Variants in DNAAF4 observed in about 807,000 individuals in gnomAD.
The protein encoded by DNAAF4 is dynein assembly factor 4, axonemal.
DNAAF4 carries 43 observed loss-of-function variants against 51.8 expected under a neutral mutation model. The ratio of observed to expected loss-of-function variants is 0.83; its 90% CI spans 0.65 to 1.07. The LOEUF (loss-of-function observed/expected upper bound fraction) is 1.07. DNAAF4 is among the 50% of genes least tolerant of loss of function. The pLI, the probability that DNAAF4 is intolerant of heterozygous loss-of-function variation, is 0.00. For synonymous variants in DNAAF4, 194 were observed against 165.6 expected (o/e 1.17, Z -1.32); for missense variants, 581 against 493.0 (o/e 1.18, Z -1.69).
chr15:55,425,674 A>G (rs753557005), downstream of DNAAF4, among the ~76,000 whole-genome samples: 3 of 152,176 alleles, frequency 2.0e-5, no homozygotes, highest in East Asian at 3.8e-4. Flanking sequence ...CTATTAGACA[A>G]TATCTCTGTA....
chr15:55,497,879 C>T lies in DNAAF4; in HGVS notation c.124-20G>A, dbSNP rs2058661789. 6.3e-7 allele frequency: 1 copy of T among 1,578,108 alleles called. No individual in the cohort carries two copies. Among genetic ancestry groups the T allele is most frequent in the Admixed American group, 1.9e-5 (1 of 52,246 alleles). On this transcript the variant is annotated intron_variant, in intron 2 of 9. Transcript: ENST00000321149. ...GTTGACCTATGCAGAAGGGTGAAAA[C>T]AGAAACTAAGTTAGTTACACAAATT...
At chr15:55,502,967 A>G (rs2058707388) in intron 1 of DNAAF4, among the ~76,000 whole-genome samples, 1 of 152,238 alleles carries the variant, frequency 6.6e-6, no homozygotes, top group Non-Finnish European at 1.5e-5. Flanking sequence ...ACCATTCAAA[A>G]AAATCAGTGA....
At chr15:55,497,096 G>A (rs188350259) in intron 3 of DNAAF4, among the ~76,000 whole-genome samples, 27 of 152,142 alleles carry the variant, frequency 1.8e-4, no homozygotes, top group African/African-American at 5.8e-4. Flanking sequence ...CCTGTTCTAA[G>A]CGGCCTACAT....
Position 55,462,745 on chromosome 15 carries a change from C to T in DNAAF4, c.637+4185G>A, listed in dbSNP as rs73408880. On this transcript the variant is annotated intron_variant, in intron 5 of 9. Transcript: ENST00000321149. ...ACAGCATATCAAAAAGGTAATACAC[C>T]ATAATTAAGTGGGTTTCATACCAGG... Among the ~76,000 whole-genome samples the T allele has an allele frequency of 3.2e-3, 489 of 152,186 alleles. 1 individual carries two copies. The highest frequency in any genetic ancestry group is 0.011 in the African/African-American group (461 of 41,556).
intron 5 of DNAAF4, among the ~76,000 whole-genome samples, chr15:55,457,058 C>G (rs1028478265): frequency 6.6e-6 from 1 of 152,326 alleles, no homozygotes; most frequent in Middle Eastern, 3.4e-3. Flanking sequence ...ATGGGAAGTA[C>G]AGATGCGAGT....
rs139031636 is a variant in DNAAF4, at chr15:55,504,184, G to A, written c.-256+3938C>T. Among the ~76,000 whole-genome samples the A allele has an allele frequency of 5.2e-3, 797 of 152,172 alleles. 38 individuals carry two copies. In the East Asian group the frequency reaches 0.085, roughly 16 times the overall value. On this transcript the variant is annotated intron_variant, in intron 1 of 9. Transcript: ENST00000321149. ...CTCCCATTCACAATTGCTACAAAGA[G>A]AATAAAATACCTAGGAATCCAACTT...
downstream of DNAAF4, among the ~76,000 whole-genome samples, chr15:55,429,392 C>G (rs566842145): frequency 6.6e-6 from 1 of 151,234 alleles, no homozygotes; most frequent in Admixed American, 6.6e-5. Flanking sequence ...GTGGTGGTGC[C>G]TGTAATCTCA....
At chr15:55,435,782 C>CT (rs1189888125) in intron 7 of DNAAF4, among the ~76,000 whole-genome samples, 3 of 151,776 alleles carry the variant, frequency 2.0e-5, no homozygotes, top group African/African-American at 4.8e-5. Context: ...AAAGTCTTTG[C>CT]TTTTTTTTGT....
rs2057545958 is a variant in DNAAF4 at position 55,433,880 on chromosome 15, T to TAAAATATATA, written c.1047+1024_1047+1025insTATATATTTT. ...TATAATATATATTATATATATTACA[T>TAAAATATATA]ATATTATATATATATTATATATATT... On this transcript the variant is annotated intron_variant, in intron 8 of 9. Transcript: ENST00000321149. 2.4e-4 allele frequency among the ~76,000 whole-genome samples: 11 copies of TAAAATATATA among 46,642 alleles called. 1 individual carries two copies. The highest frequency in any genetic ancestry group is 3.7e-4 in the Non-Finnish European group (10 of 26,706). The allele number at this position is 46,642 out of a possible 152,430, so 30.6% of individuals were successfully genotyped here.
downstream of DNAAF4, among the ~76,000 whole-genome samples, chr15:55,428,640 G>A (rs180875042): frequency 0.024 from 3,624 of 150,352 alleles, 77 homozygotes; most frequent in South Asian, 0.034. Flanking sequence ...GACTACAGGC[G>A]CCTGCCACCA....
chr15:55,502,531 A>G (rs996825759), intron 1 of DNAAF4, among the ~76,000 whole-genome samples: 4 of 152,090 alleles, frequency 2.6e-5, no homozygotes, highest in Non-Finnish European at 5.9e-5. Flanking sequence ...CTTATATTGA[A>G]TAAATTTGTA....
chr15:55,467,468 G>C lies in DNAAF4; in HGVS notation c.406-307C>G, dbSNP rs138636678. Among the ~76,000 whole-genome samples, 134 of 152,046 alleles carry C rather than the reference G, an allele frequency of 8.8e-4. 4 individuals carry two copies. The East Asian group carries it at 0.017, about 20-fold the overall frequency. ...TAAAATGTGGGCAGGCATTCAATTA[G>C]ATGATACCTAAGGGCTTGGTAGAAA... On this transcript the variant is annotated intron_variant, in intron 4 of 9. Transcript: ENST00000321149.
intron 6 of DNAAF4, among the ~76,000 whole-genome samples, chr15:55,440,537 C>G (rs967607525): frequency 2.0e-5 from 3 of 151,474 alleles, no homozygotes; most frequent in Admixed American, 6.6e-5. Context: ...CACCACCACA[C>G]CCAGCTAATT....
chr15:55,438,301 A>G (rs555920782), intron 7 of DNAAF4, among the ~76,000 whole-genome samples: 1 of 151,874 alleles, frequency 6.6e-6, no homozygotes, highest in Non-Finnish European at 1.5e-5. Context: ...CATTGAGCCA[A>G]GATTGTGCCA....
chr15:55,467,043 A>ATT lies in DNAAF4; in HGVS notation c.522_523dup (p.Ile175LysfsTer22). On this transcript the variant is annotated frameshift_variant, in exon 5 of 10. Coordinates refer to ENST00000321149, the MANE Select transcript of DNAAF4 (RefSeq NM_130810.4). LOFTEE classifies it high-confidence loss of function. ...TTGACATAATTTCTCTTCTCTCTGA[A>ATT]TTTTTTTTTGCTCCTCAGCTTTTCT... 1 of 1,549,440 alleles carries ATT rather than the reference A, an allele frequency of 6.5e-7. No homozygotes were observed. The highest frequency in any genetic ancestry group is 1.2e-5 in the South Asian group (1 of 81,990).
In DNAAF4 at chr15:55,477,699, T is replaced by C. The variant is rs559393260; in HGVS notation, c.406-10538A>G. The stretch of plus-strand genomic sequence containing the variant: ...ACATATATACACATATATGTGCATG[T>C]TTTTTATCTATATAGGTAAAAAATT... On this transcript the variant is annotated intron_variant, in intron 4 of 9. Transcript: ENST00000321149. 1.1e-4 allele frequency among the ~76,000 whole-genome samples: 16 copies of C among 152,018 alleles called. No homozygotes were observed. The South Asian group carries it at 3.1e-3, about 30-fold the overall frequency.
intron 5 of DNAAF4, among the ~76,000 whole-genome samples, chr15:55,455,413 T>TATATATATATA (rs2058004968): frequency 2.1e-5 from 3 of 141,740 alleles, no homozygotes; most frequent in Non-Finnish European, 3.1e-5. Flanking sequence ...TATATATATA[T>TATATATATATA]TCAATCTAAA....
At chr15:55,483,343 C>A (rs113024375) in intron 4 of DNAAF4, among the ~76,000 whole-genome samples, 13 of 151,538 alleles carry the variant, frequency 8.6e-5, no homozygotes, top group Non-Finnish European at 1.5e-4. Context: ...GATCCGCCCC[C>A]CTCAGCCTCC....
chr15:55,484,106 G>C (rs1440039722), intron 4 of DNAAF4, among the ~76,000 whole-genome samples: 1 of 151,868 alleles, frequency 6.6e-6, no homozygotes, highest in Non-Finnish European at 1.5e-5. Flanking sequence ...TAGTGAGAAT[G>C]GGAGAAACCG....
Sources: allele counts gnomAD v4.1 joint callset (sites outside exome capture counted in the v4.1 genomes callset), GRCh38; gene constraint gnomAD v4.1.1; transcripts MANE v1.5; gene names NCBI Gene and HGNC (gene_info 2026-07-23, HGNC 2026-07-21).